The following DNAH11 variants were observed in gnomAD, a reference collection of about 807,000 sequenced individuals.
DNAH11 encodes the protein dynein axonemal heavy chain 11.
Under a neutral mutation model 526.0 loss-of-function variants are expected in DNAH11, and 442 were observed. The ratio of observed to expected loss-of-function variants is 0.84; its 90% CI spans 0.78 to 0.91. DNAH11 has a LOEUF of 0.91. DNAH11 is among the 40% of genes least tolerant of loss of function. The pLI, the probability that DNAH11 is intolerant of heterozygous loss-of-function variation, is 0.00. For missense variants in DNAH11, 6,989 were observed against 5,448.7 expected, an observed-to-expected ratio of 1.28 and a Z score of -8.90; for synonymous variants, 2,461 against 1,935.9, an observed-to-expected ratio of 1.27 and a Z score of -7.12.
At chr7:21,829,183 T>G (rs1303574522) in intron 65 of DNAH11, among the ~76,000 whole-genome samples, 1 of 152,146 alleles carries the variant, frequency 6.6e-6, no homozygotes, top group African/African-American at 2.4e-5. Context: ...CAGTAAGGCT[T>G]TTAGATGTCC....
chr7:21,863,973 C>G (rs1783171610), intron 69 of DNAH11, among the ~76,000 whole-genome samples: 1 of 152,132 alleles, frequency 6.6e-6, no homozygotes, highest in African/African-American at 2.4e-5. Flanking sequence ...CCAAAATATA[C>G]TTTGGGTTTT....
Position 21,588,193 on chromosome 7 carries a change from A to G in DNAH11, c.1840A>G (p.Met614Val). Residue 614 changes from methionine (M) to valine (V), a missense_variant, in exon 10 of 82, where the codon ATG (methionine) becomes GTG (valine). By Grantham distance (21) the Met-to-Val change is conservative (BLOSUM62 1). Transcript: ENST00000409508. ...GTGTAAGCAACTGTATAATGAACACATGAAACAGGTAAGTGGTGGATAAGG... is the reference window on the plus strand; with the variant it reads ...GTGTAAGCAACTGTATAATGAACACGTGAAACAGGTAAGTGGTGGATAAGG... Reference protein sequence around the residue: ...DVCKQLYNEHMKQIECGHVVL... With the variant: ...DVCKQLYNEHVKQIECGHVVL... The G allele has an allele frequency of 2.5e-6, 4 of 1,611,314 alleles. No homozygotes were observed. The highest frequency in any genetic ancestry group is 1.1e-5 in the South Asian group (1 of 90,310).
chr7:21,691,773 C>A (rs1783642487), intron 35 of DNAH11, among the ~76,000 whole-genome samples: 1 of 152,118 alleles, frequency 6.6e-6, no homozygotes. Context: ...AAAATAGTCC[C>A]TCTCATGCCT....
intron 28 of DNAH11, among the ~76,000 whole-genome samples, chr7:21,653,364 A>G (rs899866568): frequency 2.1e-4 from 32 of 152,326 alleles, no homozygotes; most frequent in African/African-American, 7.7e-4. Flanking sequence ...AGAAGACAGT[A>G]TGAAAACATC....
rs377317310 is a variant in DNAH11, at chr7:21,717,203, C to G, written c.6984-572C>G. ...TGATAACATTTTATGTTTCAGATTA[C>G]ACACACACACACACACACCCCAGCA... On this transcript the variant is annotated intron_variant, in intron 42 of 81. Coordinates refer to ENST00000409508, the MANE Select transcript of DNAH11 (RefSeq NM_001277115.2). 1.6e-4 allele frequency among the ~76,000 whole-genome samples: 4 copies of G among 24,614 alleles called. No homozygotes were observed. The South Asian group carries it at 7.1e-3, about 44-fold the overall frequency. The allele number at this position is 24,614 out of a possible 152,430, so 16.1% of individuals were successfully genotyped here.
chr7:21,659,536 T>C (rs1782156790), intron 30 of DNAH11, among the ~76,000 whole-genome samples: 1 of 152,186 alleles, frequency 6.6e-6, no homozygotes, highest in East Asian at 1.9e-4. Flanking sequence ...TCTTAATATG[T>C]GCTGTGAGCT....
intron 12 of DNAH11, among the ~76,000 whole-genome samples, chr7:21,590,171 G>A (rs983585485): frequency 3.3e-5 from 5 of 152,006 alleles, no homozygotes; most frequent in African/African-American, 1.2e-4. Context: ...GTATGTGTAT[G>A]TGTATATAAT....
chr7:21,703,929 A>G (rs1784158267), intron 37 of DNAH11, among the ~76,000 whole-genome samples: 1 of 152,020 alleles, frequency 6.6e-6, no homozygotes, highest in African/African-American at 2.4e-5. Flanking sequence ...TGCTTTTTAA[A>G]ATTTTTGTTG....
chr7:21,820,202 C>A (rs778468227), intron 65 of DNAH11, among the ~76,000 whole-genome samples: 1 of 152,146 alleles, frequency 6.6e-6, no homozygotes, highest in Non-Finnish European at 1.5e-5. Flanking sequence ...CTGAGCACTG[C>A]TATATGCCAG....
At chr7:21,767,363 TTTC>T (rs1228080432) in intron 55 of DNAH11, among the ~76,000 whole-genome samples, 4 of 152,144 alleles carry the variant, frequency 2.6e-5, no homozygotes, top group Non-Finnish European at 4.4e-5. Context: ...CTTTTTACAG[TTTC>T]TTCCCTTTGC....
chr7:21,605,299 G>A (rs1051686745), intron 18 of DNAH11, among the ~76,000 whole-genome samples: 1 of 152,180 alleles, frequency 6.6e-6, no homozygotes, highest in Non-Finnish European at 1.5e-5. Flanking sequence ...ATCACTGTGG[G>A]TGGGTTTGTG....
chr7:21,757,268 C>T (rs1786679786), intron 54 of DNAH11, among the ~76,000 whole-genome samples: 1 of 152,174 alleles, frequency 6.6e-6, no homozygotes. Flanking sequence ...CTATAGTGAT[C>T]CTCTTTATTC....
intron 20 of DNAH11, among the ~76,000 whole-genome samples, chr7:21,612,603 C>T (rs898523870): frequency 3.4e-5 from 5 of 145,128 alleles, no homozygotes; most frequent in African/African-American, 1.0e-4. Flanking sequence ...GATGGCTTTA[C>T]AGGTGAATCT....
intron 14 of DNAH11, among the ~76,000 whole-genome samples, chr7:21,597,992 A>AG (rs1288532297): frequency 6.6e-6 from 1 of 152,146 alleles, no homozygotes; most frequent in Non-Finnish European, 1.5e-5. Context: ...AGCATTCCTG[A>AG]GAAGGAGCAG....
chr7:21,733,380 C>T (rs1050465438), intron 45 of DNAH11, among the ~76,000 whole-genome samples: 1 of 152,092 alleles, frequency 6.6e-6, no homozygotes, highest in Non-Finnish European at 1.5e-5. Flanking sequence ...AAGAGCGAGA[C>T]TCCATCTCAA....
intron 63 of DNAH11, among the ~76,000 whole-genome samples, chr7:21,813,673 A>G (rs966063583): frequency 2.0e-5 from 3 of 152,166 alleles, no homozygotes; most frequent in African/African-American, 7.2e-5. Context: ...TCTCTCTAGC[A>G]AATGCTTCTT....
chr7:21,675,246 C>G (rs1048404916), intron 30 of DNAH11, among the ~76,000 whole-genome samples: 1 of 152,206 alleles, frequency 6.6e-6, no homozygotes, highest in African/African-American at 2.4e-5. Flanking sequence ...CTGCAGCATC[C>G]TTACACACCC....
At chr7:21,814,137 T>C (rs1242633726) in intron 63 of DNAH11, among the ~76,000 whole-genome samples, 1 of 152,102 alleles carries the variant, frequency 6.6e-6, no homozygotes, top group Non-Finnish European at 1.5e-5. Flanking sequence ...TCTATCCAAA[T>C]ATAGAAAAGA....
At position 21,778,869 on chromosome 7, in the gene DNAH11, G is replaced by T. The variant is rs1343894402; in HGVS notation, c.9337-89G>T. ...CAGATGCAAGATACAAATTGTTAGA[G>T]ATCCCTGAATTCATTCCCAGCAATA... On this transcript the variant is annotated intron_variant, in intron 56 of 81. Coordinates refer to ENST00000409508, the MANE Select transcript of DNAH11 (RefSeq NM_001277115.2). 6 of 1,466,490 alleles carry T rather than the reference G, an allele frequency of 4.1e-6. No homozygotes were observed. In the African/African-American group the frequency reaches 4.2e-5, roughly 10 times the overall value. 90.8% of individuals were successfully genotyped at this position (1,466,490 alleles called of 1,614,324 possible).
Sources: gnomAD v4.1 joint callset for allele counts (sites outside exome capture counted in the v4.1 genomes callset) on GRCh38, gnomAD v4.1.1 for gene constraint, MANE v1.5 for transcripts, NCBI Gene and HGNC (gene_info 2026-07-23, HGNC 2026-07-21) for gene names.